The following CACNA1C variants were observed in gnomAD, a reference collection of about 807,000 sequenced individuals.
CACNA1C encodes calcium voltage-gated channel subunit alpha1 C.
CACNA1C carries 30 observed loss-of-function variants against 229.0 expected under a neutral mutation model. That is an observed-to-expected ratio of 0.13 (90% confidence interval 0.10 to 0.18). CACNA1C has a LOEUF of 0.18. Among genes scored for constraint, CACNA1C ranks in the 10% least tolerant of loss-of-function variants. The pLI is 1.00. For synonymous variants in CACNA1C, 1,114 were observed against 1,132.5 expected, an observed-to-expected ratio of 0.98 and a Z score of 0.33; for missense variants, 1,658 against 2,845.0, an observed-to-expected ratio of 0.58 and a Z score of 9.49.
Position 2,602,663 on chromosome 12 carries a change from TGTGTGTGA to T in CACNA1C, c.2960+706_2960+713del, listed in dbSNP as rs1337221048. Among the ~76,000 whole-genome samples, 2 of 149,452 alleles carry T rather than the reference TGTGTGTGA, an allele frequency of 1.3e-5. No homozygotes were observed. The highest frequency in any genetic ancestry group is 5.0e-5 in the African/African-American group (2 of 40,360). ...GTGTGTGTGTGTGTGTGTGTGTGTG[TGTGTGTGA>T]GTTTTTCATTTCACTGGTCTGGGGT... is the stretch of plus-strand genomic sequence containing the variant. On this transcript the variant is annotated intron_variant, in intron 22 of 46. Transcript: ENST00000399655. The surrounding 1 kb of genome is among the most constrained non-coding windows in gnomAD (Gnocchi z 4.4).
Position 2,697,038 on chromosome 12 carries a change from G to C in CACNA1C, c.*5839G>C, listed in dbSNP as rs1169099063. On this transcript the variant is annotated 3_prime_UTR_variant, in exon 47 of 47. Transcript: ENST00000399655. Reference sequence around the variant, plus strand: ...GAAAAGGAAAGAACTTGTACATCAAGGGAAGATGATTTGTAAACACACAGT... The same window carrying C: ...GAAAAGGAAAGAACTTGTACATCAACGGAAGATGATTTGTAAACACACAGT... 6.6e-6 allele frequency: 1 copy of C among 152,262 alleles called. No individual in the cohort carries two copies. Among genetic ancestry groups the C allele is most frequent in the Non-Finnish European group, 1.5e-5 (1 of 68,082 alleles). The allele number at this position is 152,262 out of a possible 1,614,324, so 9.4% of individuals were successfully genotyped here.
intron 1 of CACNA1C, among the ~76,000 whole-genome samples, chr12:2,041,596 T>C (rs2050126760): frequency 6.6e-6 from 1 of 152,166 alleles, no homozygotes. Flanking sequence ...ATTCTTGATA[T>C]CCGCTGGGAT....
intron 3 of CACNA1C, among the ~76,000 whole-genome samples, chr12:2,362,090 G>T (rs1161313281): frequency 6.6e-6 from 1 of 152,220 alleles, no homozygotes; most frequent in African/African-American, 2.4e-5. Context: ...CACACAGCTG[G>T]TGCTTAAAAA....
At chr12:2,669,929 G>A (rs1475167335) in intron 38 of CACNA1C, among the ~76,000 whole-genome samples, 2 of 152,170 alleles carry the variant, frequency 1.3e-5, no homozygotes, top group Non-Finnish European at 2.9e-5. Flanking sequence ...AAGAGTTTGC[G>A]AACCACTATG....
chr12:2,112,408 C>G lies in CACNA1C; in HGVS notation c.50-2816C>G, dbSNP rs2082105914. Among the ~76,000 whole-genome samples the G allele has an allele frequency of 2.0e-5, 3 of 151,002 alleles. No homozygotes were observed. In the South Asian group the frequency reaches 6.3e-4, roughly 32 times the overall value. On this transcript the variant is annotated intron_variant, in intron 1 of 46. Transcript: ENST00000399655. ...ACGAGTTACAGGAGAGATGAGACGT[C>G]TCATTGTAGGGAGTGTCACGTCCTC...
intron 3 of CACNA1C, among the ~76,000 whole-genome samples, chr12:2,129,756 G>A (rs2091638088): frequency 2.6e-5 from 4 of 152,152 alleles, no homozygotes; most frequent in Admixed American, 2.0e-4. Context: ...GTCCCGGAAC[G>A]TCCTGACCTG....
chr12:2,420,148 T>TGTGTG (rs58661833), intron 3 of CACNA1C, among the ~76,000 whole-genome samples: 3 of 125,742 alleles, frequency 2.4e-5, no homozygotes, highest in Admixed American at 8.5e-5. Context: ...TGTGTGTGTG[T>TGTGTG]AGGGGGAGGG....
At chr12:2,153,009 C>G (rs2095365786) in intron 3 of CACNA1C, among the ~76,000 whole-genome samples, 1 of 152,166 alleles carries the variant, frequency 6.6e-6, no homozygotes, top group Non-Finnish European at 1.5e-5. Context: ...GGAAAACAAA[C>G]AGTTTTGGGC....
intron 31 of CACNA1C, 147 bp downstream of exon 31, chr12:2,648,654 C>T (rs374068630): frequency 3.6e-5 from 26 of 719,378 alleles, no homozygotes; most frequent in South Asian, 3.2e-4. Context: ...GCCTTGCCTG[C>T]CTGTTCCCTT....
intron 10 of CACNA1C, among the ~76,000 whole-genome samples, chr12:2,550,849 G>A (rs1352064648): frequency 6.6e-6 from 1 of 152,170 alleles, no homozygotes; most frequent in Admixed American, 6.5e-5. Flanking sequence ...GTTGGGGAGG[G>A]AGAATGAGGC....
intron 3 of CACNA1C, among the ~76,000 whole-genome samples, chr12:2,192,757 C>T (rs1470339693): frequency 6.6e-6 from 1 of 151,988 alleles, no homozygotes; most frequent in Non-Finnish European, 1.5e-5. Flanking sequence ...GGCACTCCCC[C>T]CACTCTCCCC....
At chr12:2,378,020 G>C (rs187119185) in intron 3 of CACNA1C, among the ~76,000 whole-genome samples, 1 of 152,160 alleles carries the variant, frequency 6.6e-6, no homozygotes, top group Admixed American at 6.5e-5. Flanking sequence ...GAAGAGGGTT[G>C]GGGTGAGTGT....
At chr12:2,580,314 A>G (rs2060047481) in intron 13 of CACNA1C, among the ~76,000 whole-genome samples, 1 of 152,234 alleles carries the variant, frequency 6.6e-6, no homozygotes, top group Admixed American at 6.5e-5. Context: ...GTTGCCATCC[A>G]AACTATGACC....
intron 1 of CACNA1C, among the ~76,000 whole-genome samples, chr12:2,107,080 AG>A (rs2079233992): frequency 1.0e-5 from 1 of 98,774 alleles, no homozygotes; most frequent in Non-Finnish European, 2.1e-5. Flanking sequence ...CACCCCAGGG[AG>A]GGTTTCCACT....
intron 3 of CACNA1C, among the ~76,000 whole-genome samples, chr12:2,219,962 T>C (rs997395005): frequency 3.9e-5 from 6 of 152,162 alleles, no homozygotes; most frequent in African/African-American, 1.4e-4. Context: ...CTCTCTGACA[T>C]TGAATTTGTC....
At chr12:2,401,558 G>A (rs2098678195) in intron 3 of CACNA1C, among the ~76,000 whole-genome samples, 1 of 152,164 alleles carries the variant, frequency 6.6e-6, no homozygotes, top group Non-Finnish European at 1.5e-5. Context: ...ACAGATCTGG[G>A]TGGGGCATCC....
chr12:2,336,256 T>C (rs2096691761), intron 3 of CACNA1C, among the ~76,000 whole-genome samples: 1 of 152,226 alleles, frequency 6.6e-6, no homozygotes, highest in Admixed American at 6.5e-5. Flanking sequence ...TATCTTTCTA[T>C]TGTATTGGTC....
intron 1 of CACNA1C, among the ~76,000 whole-genome samples, chr12:2,037,731 A>G (rs1255483125): frequency 2.0e-5 from 3 of 152,202 alleles, no homozygotes; most frequent in South Asian, 2.1e-4. Context: ...TGTGCCTTCT[A>G]TATAACCCTC....
At chr12:2,217,057 T>C (rs2060155219) in intron 3 of CACNA1C, among the ~76,000 whole-genome samples, 1 of 152,252 alleles carries the variant, frequency 6.6e-6, no homozygotes, top group Non-Finnish European at 1.5e-5. Context: ...ATACATACAG[T>C]GGAATATCAT....
Sources: allele counts gnomAD v4.1 joint callset (sites outside exome capture counted in the v4.1 genomes callset), GRCh38; gene constraint gnomAD v4.1.1; non-coding constraint Gnocchi (gnomAD v3.1); transcripts MANE v1.5; gene names NCBI Gene and HGNC (gene_info 2026-07-23, HGNC 2026-07-21).